Variants in THSD1 observed in about 807,000 individuals in gnomAD.
THSD1 encodes the protein thrombospondin type 1 domain containing 1, also known as thrombospondin type-1 domain-containing protein 1.
THSD1 carries 34 observed loss-of-function variants against 46.3 expected under a neutral mutation model. That is an observed-to-expected ratio of 0.74 (90% confidence interval 0.56 to 0.98). The LOEUF is 0.98. Ranked by LOEUF, THSD1 falls within the 50% of genes least tolerant of loss-of-function variation. THSD1 has a pLI of 0.00. For missense variants in THSD1, 1,023 were observed against 1,058.3 expected (o/e 0.97, Z 0.46); for synonymous variants, 407 against 416.5 (o/e 0.98, Z 0.28).
At position 52,386,118 on chromosome 13, in the gene THSD1, G is replaced by A. The variant is rs747677300; in HGVS notation, c.1090C>T (p.Arg364Cys). Residue 364 changes from arginine (R) to cysteine (C), a missense_variant, in exon 4 of 5, where the codon CGC becomes TGC. By Grantham distance (180) the Arg-to-Cys change is radical (BLOSUM62 -3). This residue lies in a region of THSD1 where 429 missense variants were observed against 518.3 expected (regional missense o/e 0.83). Coordinates refer to ENST00000258613, the MANE Select transcript of THSD1 (RefSeq NM_018676.4). ...GGGAAGGAAGTGAGACACACTCGGC[G>A]ACGCTCTCTGACACCATCCCCACAT... Reference protein sequence around the residue: ...ATCGDGVRERRRVCLTSFPSS... With the variant: ...ATCGDGVRERCRVCLTSFPSS... 1.2e-5 allele frequency: 19 copies of A among 1,614,036 alleles called. No individual in the cohort carries two copies. Among genetic ancestry groups the A allele is most frequent in the Admixed American group, 1.7e-5 (1 of 59,996 alleles).
chr13:52,378,403 T>G lies in THSD1; in HGVS notation c.1567A>C (p.Ile523Leu). Residue 523 changes from isoleucine to leucine, a missense_variant, in exon 5 of 5, where the codon ATA becomes CTA. This residue lies in a region of THSD1 where 578 missense variants were observed against 497.4 expected (regional missense o/e 1.16). Transcript: ENST00000258613. ...SESFQSNAQKIIPPLFSYRLA... is the reference protein window; with the variant it reads ...SESFQSNAQKLIPPLFSYRLA... ...CGGTAGCTGAACAGAGGTGGGATTA[T>G]CTTCTGGGCGTTGGACTGGAAGCTC... is the stretch of plus-strand genomic sequence containing the variant. 6.2e-7 allele frequency: 1 copy of G among 1,614,102 alleles called. No individual in the cohort carries two copies. The highest frequency in any genetic ancestry group is 1.1e-5 in the South Asian group (1 of 91,078).
In THSD1 at chr13:52,378,608, GA is replaced by G. The variant is rs1957662334; in HGVS notation, c.1361del (p.Ile454ThrfsTer18). The G allele has an allele frequency of 1.2e-6, 2 of 1,614,136 alleles. No individual in the cohort carries two copies. Among genetic ancestry groups the G allele is most frequent in the Non-Finnish European group, 1.7e-6 (2 of 1,180,030 alleles). Reference protein sequence around the residue: ...KCSTPARHNSIHSPSFRKNSD... With the variant: ...KCSTPARHNSXHSPSFRKNSD... ...AGTTCTTCCGGAAGCTGGGGGAGTG[GA>G]TGGAGTTGTGTCGAGCAGGTGTGCT... On this transcript the variant is annotated frameshift_variant, in exon 5 of 5. Transcript: ENST00000258613. LOFTEE classifies it high-confidence loss of function.
chr13:52,394,201 G>A (rs1219538728), intron 3 of THSD1, among the ~76,000 whole-genome samples: 3 of 152,218 alleles, frequency 2.0e-5, no homozygotes, highest in African/African-American at 7.2e-5. Context: ...AACCACCAAG[G>A]TGGCCCTCCT....
chr13:52,377,393 C>T lies in THSD1; in HGVS notation c.*18G>A. The T allele has an allele frequency of 1.3e-6, 2 of 1,539,892 alleles. No individual in the cohort carries two copies. The highest frequency in any genetic ancestry group is 2.5e-5 in the South Asian group (2 of 79,026). ...AGTAGCAGACCCCAGCTGTGTAAAG[C>T]TCAGGCTGATTCTCAGTCTAGATCA... On this transcript the variant is annotated 3_prime_UTR_variant, in exon 5 of 5. Transcript: ENST00000258613.
chr13:52,399,199 A>C (rs1056488770), intron 2 of THSD1, among the ~76,000 whole-genome samples: 3 of 152,250 alleles, frequency 2.0e-5, no homozygotes, highest in African/African-American at 7.2e-5. Context: ...GTAAGGATCA[A>C]TCATATCTTT....
chr13:52,385,414 A>T (rs1008746594), intron 4 of THSD1, among the ~76,000 whole-genome samples: 5 of 152,168 alleles, frequency 3.3e-5, no homozygotes, highest in Non-Finnish European at 7.4e-5. Flanking sequence ...ATATCTATAG[A>T]CTATTTAGAT....
rs972817062 is a variant in THSD1 at position 52,377,859 on chromosome 13, A to T, written c.2111T>A (p.Leu704Gln). ...GAAATGCTCCAGTTTTTCAGGAAAC[A>T]GGTGGGCACCTCGACTCTGAGGCCT... The part of the protein sequence containing the change: ...RFRPQSRGAH[L>Q]FPEKLEHFQE... The change falls in exon 5 of 5, where the codon CTG becomes CAG. Residue 704 changes from leucine (L) to glutamine (Q), a missense_variant. This residue lies in a region of THSD1 where 578 missense variants were observed against 497.4 expected (regional missense o/e 1.16). Coordinates refer to ENST00000258613, the MANE Select transcript of THSD1 (RefSeq NM_018676.4). The T allele has an allele frequency of 6.2e-7, 1 of 1,614,202 alleles. No individual in the cohort carries two copies. Among genetic ancestry groups the T allele is most frequent in the African/African-American group, 1.3e-5 (1 of 75,052 alleles).
chr13:52,379,621 C>T (rs943680257), intron 4 of THSD1, among the ~76,000 whole-genome samples: 1 of 152,076 alleles, frequency 6.6e-6, no homozygotes, highest in Admixed American at 6.6e-5. Flanking sequence ...ACTATAGGCG[C>T]ATGCCACCAC....
chr13:52,391,433 G>A (rs1462606595), intron 3 of THSD1, among the ~76,000 whole-genome samples: 1 of 151,852 alleles, frequency 6.6e-6, no homozygotes, highest in Non-Finnish European at 1.5e-5. Context: ...GCCCAGGCTG[G>A]TCTCAAACTC....
chr13:52,395,458 A>G (rs1957804076), intron 3 of THSD1, among the ~76,000 whole-genome samples: 1 of 152,148 alleles, frequency 6.6e-6, no homozygotes, highest in African/African-American at 2.4e-5. Flanking sequence ...TAGGGGGTAC[A>G]AGGATGAGTC....
In THSD1 at chr13:52,378,127, T is replaced by C. The variant is rs866719441; in HGVS notation, c.1843A>G (p.Ser615Gly). 3 of 1,614,186 alleles carry C rather than the reference T, an allele frequency of 1.9e-6. No homozygotes were observed. In the Middle Eastern group the frequency reaches 4.9e-4, roughly 266 times the overall value. Residue 615 changes from serine to glycine, a missense_variant, in exon 5 of 5, where the codon AGT (serine) becomes GGT (glycine). Ser to Gly is a moderately conservative substitution (Grantham distance 56). This residue lies in a region of THSD1 where 578 missense variants were observed against 497.4 expected (regional missense o/e 1.16). Transcript: ENST00000258613. ...GTCTGGCTGGGGCTTATGGCACAAC[T>C]GGCCTGAGTCACATTTAGATCCAGC... ...SRLDLNVTQASCAISPSQTLI... is the reference protein window; with the variant it reads ...SRLDLNVTQAGCAISPSQTLI...
At chr13:52,378,915 T>G (rs1366504001) in intron 4 of THSD1, 126 bp from the exon 5 acceptor site, 1 of 1,079,260 alleles carries the variant, frequency 9.3e-7, no homozygotes, top group East Asian at 2.7e-5. Flanking sequence ...CAGGCTGGAG[T>G]GCAATGGTGT....
chr13:52,392,190 C>CAAA (rs368671089), intron 3 of THSD1, among the ~76,000 whole-genome samples: 970 of 68,952 alleles, frequency 0.014, 33 homozygotes, highest in African/African-American at 0.033. Context: ...AGACTCCTCT[C>CAAA]AAAAAAAAAA....
chr13:52,396,813 G>C (rs1957815595), intron 3 of THSD1, among the ~76,000 whole-genome samples: 1 of 152,192 alleles, frequency 6.6e-6, no homozygotes, highest in Non-Finnish European at 1.5e-5. Context: ...TCAGCTAGAG[G>C]AGGACAGAAG....
chr13:52,391,283 C>T (rs1002701635), intron 3 of THSD1, among the ~76,000 whole-genome samples: 12 of 151,110 alleles, frequency 7.9e-5, no homozygotes, highest in Middle Eastern at 3.2e-3. Flanking sequence ...GTGGTGTGAT[C>T]GTGCCTTACT....
intron 3 of THSD1, among the ~76,000 whole-genome samples, chr13:52,394,135 A>G (rs569301730): frequency 6.6e-6 from 1 of 151,672 alleles, no homozygotes; most frequent in Non-Finnish European, 1.5e-5. Context: ...TGTGGGAAAA[A>G]CTCCAGCCTT....
intron 3 of THSD1, among the ~76,000 whole-genome samples, chr13:52,393,051 T>C (rs541507383): frequency 2.6e-5 from 4 of 152,138 alleles, no homozygotes; most frequent in Non-Finnish European, 4.4e-5. Context: ...TGACAGTCAA[T>C]TGCATAGAAG....
At chr13:52,393,996 T>C (rs949257841) in intron 3 of THSD1, among the ~76,000 whole-genome samples, 4 of 152,132 alleles carry the variant, frequency 2.6e-5, no homozygotes, top group Non-Finnish European at 4.4e-5. Flanking sequence ...CCCAGCCCTA[T>C]TGTTCTAATG....
intron 3 of THSD1, among the ~76,000 whole-genome samples, chr13:52,393,495 TA>T (rs1957788409): frequency 6.6e-6 from 1 of 152,016 alleles, no homozygotes. Context: ...CCGTCTCTAC[TA>T]AAAATACAAA....
Sources: gnomAD v4.1 joint callset for allele counts (sites outside exome capture counted in the v4.1 genomes callset) on GRCh38, gnomAD v4.1.1 for gene constraint, gnomAD v4.1.1 regional missense constraint, MANE v1.5 for transcripts, NCBI Gene and HGNC (gene_info 2026-07-23, HGNC 2026-07-21) for gene names.